MAP3K5: variants seen among roughly 807,000 people sequenced by gnomAD.
MAP3K5 encodes mitogen-activated protein kinase kinase kinase 5.
Under a neutral mutation model 158.7 loss-of-function variants are expected in MAP3K5, and 56 were observed. The ratio of observed to expected loss-of-function variants is 0.35; its 90% CI spans 0.28 to 0.44. MAP3K5 has a LOEUF of 0.44. Ranked by LOEUF, MAP3K5 falls within the 20% of genes least tolerant of loss-of-function variation. The probability of loss-of-function intolerance (pLI) is 1.00; values close to 1 mark genes in which losing one functional copy is unlikely to be tolerated. For synonymous variants in MAP3K5, 579 were observed against 601.7 expected (o/e 0.96, Z 0.55); for missense variants, 1,294 against 1,674.8 (o/e 0.77, Z 3.97).
intron 10 of MAP3K5, among the ~76,000 whole-genome samples, chr6:136,651,782 A>G (rs929330841): frequency 6.6e-6 from 1 of 152,172 alleles, no homozygotes; most frequent in African/African-American, 2.4e-5. Flanking sequence ...ATGAGTTGAG[A>G]ATCTCCATCA....
At chr6:136,585,765 TA>T (rs1262389927) in intron 23 of MAP3K5, among the ~76,000 whole-genome samples, 1 of 151,990 alleles carries the variant, frequency 6.6e-6, no homozygotes, top group African/African-American at 2.4e-5. Flanking sequence ...CTGAGTGCTG[TA>T]ATCCCAAAGT....
At chr6:136,691,303 T>C (rs1454133805) in intron 7 of MAP3K5, among the ~76,000 whole-genome samples, 1 of 152,156 alleles carries the variant, frequency 6.6e-6, no homozygotes, top group African/African-American at 2.4e-5. Context: ...CCTGGGACTC[T>C]AATTAAAAGT....
chr6:136,655,782 C>A (rs1778717722), intron 10 of MAP3K5, among the ~76,000 whole-genome samples: 1 of 151,734 alleles, frequency 6.6e-6, no homozygotes, highest in South Asian at 2.1e-4. Flanking sequence ...TAGAGACCAG[C>A]AAAAATGAGC....
At chr6:136,634,654 A>C (rs887399918) in intron 14 of MAP3K5, among the ~76,000 whole-genome samples, 1 of 151,714 alleles carries the variant, frequency 6.6e-6, no homozygotes, top group African/African-American at 2.4e-5. Context: ...ATCTCGGCTC[A>C]CTGCAACCTC....
intron 3 of MAP3K5, among the ~76,000 whole-genome samples, chr6:136,700,429 C>A (rs957736241): frequency 3.9e-5 from 6 of 152,128 alleles, no homozygotes; most frequent in Admixed American, 3.9e-4. Context: ...CAATTCTGCA[C>A]TTCTAAGGGC....
chr6:136,634,662 C>T (rs933547602), intron 14 of MAP3K5, among the ~76,000 whole-genome samples: 6 of 151,990 alleles, frequency 3.9e-5, no homozygotes, highest in Non-Finnish European at 8.8e-5. Flanking sequence ...TCACTGCAAC[C>T]TCCAACTCCC....
At chr6:136,772,227 C>T (rs1026461851) in intron 1 of MAP3K5, among the ~76,000 whole-genome samples, 1 of 150,828 alleles carries the variant, frequency 6.6e-6, no homozygotes, top group African/African-American at 2.5e-5. Context: ...TGTGGTCTCC[C>T]ATTATTTTGA....
chr6:136,786,882 G>A (rs6907576), intron 1 of MAP3K5, among the ~76,000 whole-genome samples: 3,514 of 140,510 alleles, frequency 0.025, 145 homozygotes, highest in African/African-American at 0.087. Context: ...TCAGCTCACC[G>A]CAGCCTCAGC....
intron 2 of MAP3K5, among the ~76,000 whole-genome samples, chr6:136,716,106 G>A (rs949839792): frequency 1.4e-5 from 2 of 145,684 alleles, no homozygotes; most frequent in Admixed American, 7.1e-5. Context: ...ATTTCCTTGG[G>A]AGGAGGAGCT....
chr6:136,675,152 C>T (rs1340586227), intron 7 of MAP3K5, among the ~76,000 whole-genome samples: 2 of 151,718 alleles, frequency 1.3e-5, no homozygotes, highest in Middle Eastern at 3.2e-3. Flanking sequence ...ATATAACAGT[C>T]CCAAATGTAC....
At chr6:136,781,534 T>C (rs1191185383) in intron 1 of MAP3K5, among the ~76,000 whole-genome samples, 1 of 152,352 alleles carries the variant, frequency 6.6e-6, no homozygotes, top group East Asian at 1.9e-4. Context: ...ACGAAACATC[T>C]GTATTGTTTG....
In MAP3K5 at chr6:136,557,783, A is replaced by G. The variant is rs768924733; in HGVS notation, c.4100T>C (p.Ile1367Thr). 5.6e-5 allele frequency: 90 copies of G among 1,612,888 alleles called. No homozygotes were observed. The highest frequency in any genetic ancestry group is 8.0e-5 in the African/African-American group (6 of 74,892). ...TCAAGTCTGTTTGTTTCGAAAGTCA[A>G]TGATAGCCTTCCACAGTGTGCACAG... ...GMLCTLWKAI[I>T]DFRNKQT is the part of the protein sequence containing the mutation. Residue 1367 changes from isoleucine (I) to threonine (T), a missense_variant, in exon 30 of 30, where the codon ATT becomes ACT. Coordinates refer to ENST00000359015, the MANE Select transcript of MAP3K5 (RefSeq NM_005923.4).
In MAP3K5 at chr6:136,592,353, T is replaced by G. The variant is rs1185618582; in HGVS notation, c.3057-12A>C. 6 of 1,588,526 alleles carry G rather than the reference T, an allele frequency of 3.8e-6. No homozygotes were observed. In the African/African-American group the frequency reaches 8.1e-5, roughly 22 times the overall value. On this transcript the variant is annotated splice_polypyrimidine_tract_variant and intron_variant, in intron 22 of 29. Coordinates refer to ENST00000359015, the MANE Select transcript of MAP3K5 (RefSeq NM_005923.4). Reference sequence around the variant, plus strand: ...TCTCATCTGGAATGCTGAGAAAATTTATGCAGCATAAATCACAGTTCCCTT... The same window carrying G: ...TCTCATCTGGAATGCTGAGAAAATTGATGCAGCATAAATCACAGTTCCCTT...
chr6:136,708,823 A>T (rs977710271), intron 2 of MAP3K5, among the ~76,000 whole-genome samples: 1 of 152,228 alleles, frequency 6.6e-6, no homozygotes, highest in African/African-American at 2.4e-5. Flanking sequence ...AGAATTTTTC[A>T]AACTTGATCT....
chr6:136,733,418 C>G (rs1354935364), intron 1 of MAP3K5, among the ~76,000 whole-genome samples: 2 of 152,154 alleles, frequency 1.3e-5, no homozygotes, highest in South Asian at 4.1e-4. Flanking sequence ...GTGGGTAAAT[C>G]ACAGTTTATA....
At chr6:136,644,318 T>C (rs529892549) in intron 11 of MAP3K5, among the ~76,000 whole-genome samples, 2 of 152,224 alleles carry the variant, frequency 1.3e-5, no homozygotes, top group South Asian at 4.1e-4. Context: ...CACCTACCTG[T>C]AGGACACACC....
chr6:136,562,654 CAGGGTGACCTTCT>C, intron 26 of MAP3K5, 39 bp from the exon 27 acceptor site: 5 of 1,041,644 alleles, frequency 4.8e-6, no homozygotes, highest in Non-Finnish European at 5.7e-6. Context: ...GGAGGTGACA[CAGGGTGACCTTCT>C]TTTTTTTATT....
At chr6:136,630,936 TA>T (rs1158684532) in intron 14 of MAP3K5, among the ~76,000 whole-genome samples, 1 of 152,064 alleles carries the variant, frequency 6.6e-6, no homozygotes, top group Admixed American at 6.6e-5. Context: ...CCTGTCTCTA[TA>T]AAAAGCACAA....
chr6:136,738,051 C>T (rs1782549728), intron 1 of MAP3K5, among the ~76,000 whole-genome samples: 1 of 152,110 alleles, frequency 6.6e-6, no homozygotes, highest in Non-Finnish European at 1.5e-5. Context: ...ACATGTACAC[C>T]ACCACCCACC....
Sources: gnomAD v4.1 joint callset for allele counts (sites outside exome capture counted in the v4.1 genomes callset) on GRCh38, gnomAD v4.1.1 for gene constraint, MANE v1.5 for transcripts, NCBI Gene and HGNC (gene_info 2026-07-23, HGNC 2026-07-21) for gene names.